ENC1: variants seen among roughly 807,000 people sequenced by gnomAD.
ENC1 encodes ectoderm-neural cortex protein 1.
A neutral mutation model predicts 40.9 loss-of-function variants in ENC1; 19 were observed. That is an observed-to-expected ratio of 0.46 (90% CI 0.32 to 0.68). The LOEUF (loss-of-function observed/expected upper bound fraction) is 0.68. Among genes scored for constraint, ENC1 ranks in the 30% least tolerant of loss-of-function variants. The probability of loss-of-function intolerance (pLI) is 0.03; values close to 1 mark genes in which losing one functional copy is unlikely to be tolerated. For synonymous variants in ENC1, 285 were observed against 291.1 expected (o/e 0.98, Z 0.21); for missense variants, 479 against 737.5 (o/e 0.65, Z 4.06).
Position 74,635,010 on chromosome 5 carries a change from G to A in ENC1, c.1476C>T (p.Asn492=). The A allele has an allele frequency of 6.2e-7, 1 of 1,614,214 alleles. No individual in the cohort carries two copies. The highest frequency in any genetic ancestry group is 8.5e-7 in the Non-Finnish European group (1 of 1,180,046). The change falls in exon 2 of 3, where the codon AAC becomes AAT. Residue 492 remains asparagine, a synonymous_variant. Coordinates refer to ENST00000302351, the MANE Select transcript of ENC1 (RefSeq NM_003633.4). This position sits in a 1 kb window ranked among gnomAD's most constrained non-coding sequence, Gnocchi z 5.5. ...WRYTAAAVLG[N]QIFIMGGDTE... is the part of the protein sequence containing the mutation. Reference sequence around the variant, plus strand: ...TATCACCCCCCATAATAAAAATCTGGTTCCCCAGCACAGCTGCTGCTGTGT... The same window carrying A: ...TATCACCCCCCATAATAAAAATCTGATTCCCCAGCACAGCTGCTGCTGTGT...
In ENC1 at chr5:74,636,077, C is replaced by T. The variant is rs1448074728; in HGVS notation, c.409G>A (p.Ala137Thr). ...LEFQDIRDAC[A>T]EFLEKNLHPT... is the part of the protein sequence containing the mutation. ...TGCAGGTTCTTTTCCAGGAACTCTG[C>T]ACATGCATCCCGGATGTCTTGAAAC... The change falls in exon 2 of 3, where the codon GCA (alanine) becomes ACA (threonine). Residue 137 changes from alanine to threonine, a missense_variant. By Grantham distance (58) the Ala-to-Thr change is moderately conservative. Transcript: ENST00000302351. The surrounding 1 kb of genome is among the most constrained non-coding windows in gnomAD (Gnocchi z 4.8). The T allele has an allele frequency of 1.2e-6, 2 of 1,614,214 alleles. No individual in the cohort carries two copies. Among genetic ancestry groups the T allele is most frequent in the Admixed American group, 3.3e-5 (2 of 60,030 alleles).
At chr5:74,631,203 A>AC (rs1747382137) in intron 2 of ENC1, among the ~76,000 whole-genome samples, 1 of 152,162 alleles carries the variant, frequency 6.6e-6, no homozygotes, top group South Asian at 2.1e-4. Context: ...AACAACAACA[A>AC]AATCTAGAGA....
intron 2 of ENC1, among the ~76,000 whole-genome samples, chr5:74,630,329 G>A (rs1327807767): frequency 6.6e-6 from 1 of 152,148 alleles, no homozygotes; most frequent in African/African-American, 2.4e-5. Flanking sequence ...ATGCTATTAG[G>A]AGTTGCCATC....
At chr5:74,639,634 T>A (rs1747758925) in intron 1 of ENC1, among the ~76,000 whole-genome samples, 1 of 152,238 alleles carries the variant, frequency 6.6e-6, no homozygotes, top group Admixed American at 6.5e-5. Flanking sequence ...AAAAGTAGCT[T>A]CTTGCCAGAG....
At position 74,636,490 on chromosome 5, in the gene ENC1, T is replaced by C. The variant is rs9176; in HGVS notation, c.-5A>G. 998,453 of 1,557,942 alleles carry C rather than the reference T, an allele frequency of 0.64. 321,901 individuals are homozygous for C. Among genetic ancestry groups the C allele is most frequent in the Middle Eastern group, 0.75 (4,286 of 5,706 alleles). ...CTCATGCACACTGACTGACATTTTG[T>C]TTCCACTCCTAAAAATAATAATAAT... On this transcript the variant is annotated 5_prime_UTR_variant, in exon 2 of 3. Coordinates refer to ENST00000302351, the MANE Select transcript of ENC1 (RefSeq NM_003633.4). This position sits in a 1 kb window ranked among gnomAD's most constrained non-coding sequence, Gnocchi z 4.8.
rs754688646 is a variant in ENC1 at position 74,635,154 on chromosome 5, A to C, written c.1332T>G (p.Leu444=). ...TGGTACCTCCGAAAGCAAATAACTT[A>C]AGTTTGGCACTCACTACTGCGGCGT... ...VSNAAVVSAK[L]KLFAFGGTSV... The change falls in exon 2 of 3, where the codon CTT becomes CTG. Residue 444 remains leucine, a synonymous_variant. Transcript: ENST00000302351. This position sits in a 1 kb window ranked among gnomAD's most constrained non-coding sequence, Gnocchi z 5.5. The C allele has an allele frequency of 6.2e-7, 1 of 1,614,162 alleles. No homozygotes were observed. The highest frequency in any genetic ancestry group is 8.5e-7 in the Non-Finnish European group (1 of 1,180,020).
At position 74,635,711 on chromosome 5, in the gene ENC1, G is replaced by A; in HGVS notation, c.775C>T (p.Gln259Ter). ...TCCACAATTTCCTTACTCTTTCTCT[G>A]CTTGGTGATGAGTTCCTCCATGGCC... ...NVAMEELITKQRKSKEIVEEA... is the reference protein window; with the variant it reads ...NVAMEELITK The change falls in exon 2 of 3, where the codon CAG becomes TAG. Residue 259 changes from glutamine (Q) to a stop codon, truncating the protein, a stop_gained. Transcript: ENST00000302351. LOFTEE classifies it high-confidence loss of function. This position sits in a 1 kb window ranked among gnomAD's most constrained non-coding sequence, Gnocchi z 5.5. 6.2e-7 allele frequency: 1 copy of A among 1,614,102 alleles called. No individual in the cohort carries two copies.
intron 1 of ENC1, among the ~76,000 whole-genome samples, chr5:74,639,398 G>A (rs1688665526): frequency 1.3e-5 from 2 of 152,230 alleles, no homozygotes; most frequent in South Asian, 2.1e-4. Context: ...AAAGAAGACA[G>A]AGAAAGGGCT....
intron 2 of ENC1, among the ~76,000 whole-genome samples, 176 bp from the exon 3 acceptor site, chr5:74,630,168 A>G (rs1409118448): frequency 6.6e-6 from 1 of 152,212 alleles, no homozygotes; most frequent in African/African-American, 2.4e-5. Flanking sequence ...AACTGTGCAA[A>G]GATATTTAAA....
chr5:74,633,192 T>C (rs1233830172), intron 2 of ENC1, among the ~76,000 whole-genome samples: 1 of 152,260 alleles, frequency 6.6e-6, no homozygotes, highest in Non-Finnish European at 1.5e-5. Context: ...TACTTACACA[T>C]GCCTAAGCGA....
Position 74,636,599 on chromosome 5 carries a change from T to C in ENC1, c.-13-101A>G. ...TTTGCACAAAAAACAGAACACTTTG[T>C]TGTTGACCATGCCACCTACTATTCT... On this transcript the variant is annotated intron_variant, in intron 1 of 2. Transcript: ENST00000302351. This position sits in a 1 kb window ranked among gnomAD's most constrained non-coding sequence, Gnocchi z 4.8. The C allele has an allele frequency of 1.5e-6, 1 of 686,104 alleles. No individual in the cohort carries two copies. The highest frequency in any genetic ancestry group is 2.7e-5 in the East Asian group (1 of 36,652). The allele number at this position is 686,104 out of a possible 1,614,324, so 42.5% of individuals were successfully genotyped here. A position where few individuals can be genotyped will look rare whatever the true frequency, so the allele number is the denominator to read the frequency against.
At chr5:74,632,523 C>G (rs985635118) in intron 2 of ENC1, among the ~76,000 whole-genome samples, 2 of 152,016 alleles carry the variant, frequency 1.3e-5, no homozygotes, top group African/African-American at 4.8e-5. Flanking sequence ...GATAACTGTA[C>G]GAAGGCTGGA....
chr5:74,636,055 A>G lies in ENC1; in HGVS notation c.431T>C (p.Leu144Pro). The change falls in exon 2 of 3, where the codon CTG becomes CCG. Residue 144 changes from leucine (L) to proline (P), a missense_variant. Transcript: ENST00000302351. The surrounding 1 kb of genome is among the most constrained non-coding windows in gnomAD (Gnocchi z 4.8). ...CATGCCCAGGCAGTTGGTGGGATGC[A>G]GGTTCTTTTCCAGGAACTCTGCACA... ...DACAEFLEKN[L>P]HPTNCLGMLL... 1 of 1,614,184 alleles carries G rather than the reference A, an allele frequency of 6.2e-7. No homozygotes were observed. Among genetic ancestry groups the G allele is most frequent in the Non-Finnish European group, 8.5e-7 (1 of 1,180,034 alleles).
intron 2 of ENC1, among the ~76,000 whole-genome samples, chr5:74,631,164 TAA>T (rs5868747): frequency 1.5e-5 from 2 of 136,162 alleles, no homozygotes; most frequent in East Asian, 2.2e-4. Flanking sequence ...GGAACGATAA[TAA>T]AAAAAAAAAG....
At chr5:74,632,850 C>CA (rs1419910250) in intron 2 of ENC1, among the ~76,000 whole-genome samples, 3 of 152,078 alleles carry the variant, frequency 2.0e-5, no homozygotes, top group Non-Finnish European at 2.9e-5. Flanking sequence ...GACTCTGTCT[C>CA]AAAAAGAAAA....
Position 74,627,513 on chromosome 5 carries a change from T to C in ENC1, c.*2512A>G, listed in dbSNP as rs920508023. The C allele has an allele frequency of 1.3e-5, 2 of 152,246 alleles. No homozygotes were observed. Among genetic ancestry groups the C allele is most frequent in the Non-Finnish European group, 2.9e-5 (2 of 67,982 alleles). 9.4% of individuals were successfully genotyped at this position (152,246 alleles called of 1,614,324 possible). On this transcript the variant is annotated 3_prime_UTR_variant, in exon 3 of 3. Transcript: ENST00000302351. ...TCAAAATGTAGTCATAGCAAACAAG[T>C]ACATATGAACATGAACATTTTCCTT...
At chr5:74,632,094 C>T (rs1439807501) in intron 2 of ENC1, 1 of 152,206 alleles carries the variant, frequency 6.6e-6, no homozygotes, top group Non-Finnish European at 1.5e-5. Flanking sequence ...CCAGAATACA[C>T]ATGTGGCTTC....
intron 2 of ENC1, among the ~76,000 whole-genome samples, chr5:74,633,981 G>C (rs188410682): frequency 6.6e-6 from 1 of 152,198 alleles, no homozygotes; most frequent in Non-Finnish European, 1.5e-5. Flanking sequence ...ATAAACATTA[G>C]CTGGCATACT....
At chr5:74,631,080 T>C (rs1747375534) in intron 2 of ENC1, among the ~76,000 whole-genome samples, 1 of 151,644 alleles carries the variant, frequency 6.6e-6, no homozygotes, top group Admixed American at 6.6e-5. Context: ...ATATAAAATT[T>C]CAAGACAATG....
Sources: allele counts gnomAD v4.1 joint callset (sites outside exome capture counted in the v4.1 genomes callset), GRCh38; gene constraint gnomAD v4.1.1; non-coding constraint Gnocchi (gnomAD v3.1); transcripts MANE v1.5; gene names NCBI Gene and HGNC (gene_info 2026-07-23, HGNC 2026-07-21).